The following NCKAP5 variants were observed in gnomAD, a reference collection of about 807,000 sequenced individuals.
NCKAP5 encodes the protein NCK associated protein 5.
NCKAP5 carries 92 observed loss-of-function variants against 167.0 expected under a neutral mutation model. The observed-to-expected ratio is 0.55, with a 90% CI of 0.47 to 0.66. The LOEUF is 0.66. Among genes scored for constraint, NCKAP5 ranks in the 30% least tolerant of loss-of-function variants. The pLI, the probability that NCKAP5 is intolerant of heterozygous loss-of-function variation, is 0.00. For missense variants in NCKAP5, 2,378 were observed against 2,315.0 expected, an observed-to-expected ratio of 1.03 and a Z score of -0.56; for synonymous variants, 891 against 877.4, an observed-to-expected ratio of 1.02 and a Z score of -0.27.
At chr2:133,308,246 G>A (rs907129854) in intron 3 of NCKAP5, among the ~76,000 whole-genome samples, 3 of 151,440 alleles carry the variant, frequency 2.0e-5, no homozygotes, top group Admixed American at 6.6e-5. Context: ...CCGCCACCAC[G>A]CCCGGCTAAT....
At chr2:132,674,118 A>G (rs1395821471) in intron 19 of NCKAP5, among the ~76,000 whole-genome samples, 1 of 152,198 alleles carries the variant, frequency 6.6e-6, no homozygotes, top group Non-Finnish European at 1.5e-5. Context: ...AATGAGAAAA[A>G]CAGACATGTA....
chr2:133,593,591 C>G, the NCKAP5 span, among the ~76,000 whole-genome samples: 1 of 152,112 alleles, frequency 6.6e-6, no homozygotes, highest in Non-Finnish European at 1.5e-5. Flanking sequence ...ACTTGACAGA[C>G]TAATGTTTGG....
At chr2:133,106,869 G>A (rs2081723239) in intron 6 of NCKAP5, among the ~76,000 whole-genome samples, 1 of 152,086 alleles carries the variant, frequency 6.6e-6, no homozygotes, top group South Asian at 2.1e-4. Context: ...AGGTCATTAA[G>A]CTCCTTATTT....
At chr2:132,932,921 CTTT>C (rs368871730) in intron 8 of NCKAP5, among the ~76,000 whole-genome samples, 4 of 119,972 alleles carry the variant, frequency 3.3e-5, no homozygotes, top group Admixed American at 9.5e-5. Context: ...TTATCCTCTA[CTTT>C]TTTTTTTTTT....
chr2:133,466,322 A>C (rs1282382749), intron 3 of NCKAP5, among the ~76,000 whole-genome samples: 2 of 148,514 alleles, frequency 1.3e-5, no homozygotes, highest in Non-Finnish European at 3.0e-5. Context: ...ATAGTTGTAG[A>C]TATGCGGCAT....
At chr2:133,468,471 A>G (rs1203388685) in intron 3 of NCKAP5, among the ~76,000 whole-genome samples, 1 of 151,318 alleles carries the variant, frequency 6.6e-6, no homozygotes, top group Non-Finnish European at 1.5e-5. Context: ...GTGGTGCTGA[A>G]AAAAATGTAT....
chr2:133,043,003 C>T (rs1573845230), intron 6 of NCKAP5, among the ~76,000 whole-genome samples: 2 of 152,030 alleles, frequency 1.3e-5, no homozygotes. Context: ...CCTGAGAGGA[C>T]CAAGACCTGG....
intron 16 of NCKAP5, among the ~76,000 whole-genome samples, chr2:132,756,286 A>C (rs1217973190): frequency 6.6e-6 from 1 of 152,214 alleles, no homozygotes; most frequent in African/African-American, 2.4e-5. Flanking sequence ...GTCTCCCCAC[A>C]GAGCCTTAGG....
chr2:133,000,596 T>C (rs1458196479), intron 6 of NCKAP5, among the ~76,000 whole-genome samples: 1 of 152,252 alleles, frequency 6.6e-6, no homozygotes, highest in East Asian at 1.9e-4. Flanking sequence ...CATTTATTTG[T>C]ATATAACCAA....
chr2:133,184,157 A>T (rs1377093544), intron 5 of NCKAP5, among the ~76,000 whole-genome samples: 1 of 151,948 alleles, frequency 6.6e-6, no homozygotes, highest in East Asian at 1.9e-4. Flanking sequence ...TATTGTTCTC[A>T]TCTTTACATC....
Position 133,309,087 on chromosome 2 carries a change from TA to T in NCKAP5, c.70-5978del, listed in dbSNP as rs565699269. Reference sequence around the variant, plus strand: ...AGTGTAATGCTAAGTGAAAGAAGGATAAAAAAACTGCACAATCCCTCTTATC... The same window carrying T: ...AGTGTAATGCTAAGTGAAAGAAGGATAAAAAACTGCACAATCCCTCTTATC... On this transcript the variant is annotated intron_variant, in intron 3 of 19. Transcript: ENST00000409261. 2.7e-3 allele frequency among the ~76,000 whole-genome samples: 409 copies of T among 152,190 alleles called. 2 individuals are homozygous for T. Among genetic ancestry groups the T allele is most frequent in the African/African-American group, 9.3e-3 (385 of 41,518 alleles).
chr2:132,680,979 C>T (rs533877921), intron 19 of NCKAP5, among the ~76,000 whole-genome samples: 3 of 152,164 alleles, frequency 2.0e-5, no homozygotes, highest in South Asian at 4.2e-4. Flanking sequence ...ATAATGCTTC[C>T]GATTTGATGA....
Position 132,721,436 on chromosome 2 carries a change from G to T in NCKAP5, c.5713+4191C>A, listed in dbSNP as rs560666346. ...TCTATTGGTGAATTCCATCCTGCAG[G>T]TTGGGGACCTCTATTAAGAGCCTTG... On this transcript the variant is annotated intron_variant, in intron 19 of 19. Coordinates refer to ENST00000409261, the MANE Select transcript of NCKAP5 (RefSeq NM_207363.3). Among the ~76,000 whole-genome samples the T allele has an allele frequency of 3.9e-5, 6 of 152,278 alleles. No individual in the cohort carries two copies. The East Asian group carries it at 9.7e-4, about 24-fold the overall frequency.
chr2:132,847,788 CAA>C (rs1558852799), intron 11 of NCKAP5, among the ~76,000 whole-genome samples: 2 of 152,090 alleles, frequency 1.3e-5, no homozygotes, highest in Admixed American at 6.5e-5. Context: ...GAGCCAGATA[CAA>C]AAGAGTATAT....
the NCKAP5 span, among the ~76,000 whole-genome samples, chr2:133,587,735 G>GTT: frequency 6.6e-6 from 1 of 152,132 alleles, no homozygotes; most frequent in Admixed American, 6.5e-5. Context: ...TGCAGCCCAC[G>GTT]TTTCTCTCTC....
chr2:133,251,780 T>C lies in NCKAP5; in HGVS notation c.144-38001A>G, dbSNP rs2088351667. On this transcript the variant is annotated intron_variant, in intron 4 of 19. Transcript: ENST00000409261. ...AAAGAAAATATAAGTGAAATCAGTG[T>C]ATAGACTGTAAAGAAACATGAACTC... Among the ~76,000 whole-genome samples, 3 of 152,202 alleles carry C rather than the reference T, an allele frequency of 2.0e-5. No individual in the cohort carries two copies. In the South Asian group the frequency reaches 6.2e-4, roughly 32 times the overall value.
intron 6 of NCKAP5, among the ~76,000 whole-genome samples, chr2:133,025,943 G>A (rs1180516058): frequency 6.6e-6 from 1 of 152,108 alleles, no homozygotes; most frequent in African/African-American, 2.4e-5. Context: ...ATTAAGCCCA[G>A]CATGCATTAC....
At chr2:132,743,694 A>G (rs1679401182) in intron 16 of NCKAP5, among the ~76,000 whole-genome samples, 1 of 151,754 alleles carries the variant, frequency 6.6e-6, no homozygotes, top group South Asian at 2.1e-4. Context: ...AGATAATTAC[A>G]TAAAATTAAA....
chr2:132,755,893 T>C (rs1680514027), intron 16 of NCKAP5, among the ~76,000 whole-genome samples: 1 of 146,540 alleles, frequency 6.8e-6, no homozygotes, highest in Non-Finnish European at 1.5e-5. Flanking sequence ...ACTATAATAA[T>C]AATGAAGATC....
Sources: allele counts gnomAD v4.1 joint callset (sites outside exome capture counted in the v4.1 genomes callset), GRCh38; gene constraint gnomAD v4.1.1; transcripts MANE v1.5; gene names NCBI Gene and HGNC (gene_info 2026-07-23, HGNC 2026-07-21).